The following PRKCZ variants were observed in gnomAD, a reference collection of about 807,000 sequenced individuals.
The protein encoded by PRKCZ is protein kinase C zeta.
A neutral mutation model predicts 79.5 loss-of-function variants in PRKCZ; 33 were observed. The observed-to-expected ratio is 0.41, with a 90% CI of 0.31 to 0.55. The LOEUF is 0.55. Among genes scored for constraint, PRKCZ ranks in the 20% least tolerant of loss-of-function variants. The pLI is 0.19. For missense variants in PRKCZ, 578 were observed against 813.5 expected (o/e 0.71, Z 3.52); for synonymous variants, 342 against 320.9 (o/e 1.07, Z -0.70).
intron 4 of PRKCZ, among the ~76,000 whole-genome samples, chr1:2,063,689 G>A (rs574630151): frequency 1.3e-5 from 2 of 152,144 alleles, no homozygotes; most frequent in Non-Finnish European, 1.5e-5. Flanking sequence ...AATAGTGCAC[G>A]AGCGCCACTG....
At chr1:2,059,371 G>A (rs912316157) in intron 3 of PRKCZ, among the ~76,000 whole-genome samples, 170 bp from the exon 4 acceptor site, 3 of 152,198 alleles carry the variant, frequency 2.0e-5, no homozygotes, top group African/African-American at 2.4e-5. Flanking sequence ...CCTGGCCTAC[G>A]TAGACGCACG....
rs891639541 is a variant in PRKCZ, at chr1:2,127,402, C to A, written c.335-7860C>A. 1.3e-5 allele frequency among the ~76,000 whole-genome samples: 2 copies of A among 151,526 alleles called. No homozygotes were observed. The highest frequency in any genetic ancestry group is 4.9e-5 in the African/African-American group (2 of 41,004). On this transcript the variant is annotated intron_variant, in intron 4 of 17. Coordinates refer to ENST00000378567, the MANE Select transcript of PRKCZ (RefSeq NM_002744.6). This position sits in a 1 kb window ranked among gnomAD's most constrained non-coding sequence, Gnocchi z 5.1. ...GGGGCTGCACCTCCACTGCCCCCCC[C>A]ACCGCCGCCCCTGCCCCACGGCCAC...
rs569873516 is a variant in PRKCZ at position 2,172,678 on chromosome 1, G to A, written c.1285+290G>A. ...ACACAGAAAGCGGGGGTGGGACAGG[G>A]TGCAGCACCTGAGTCCCCGTGCTGC... On this transcript the variant is annotated intron_variant, in intron 13 of 17. Transcript: ENST00000378567. This position sits in a 1 kb window ranked among gnomAD's most constrained non-coding sequence, Gnocchi z 7.8. Among the ~76,000 whole-genome samples, 1 of 152,284 alleles carries A rather than the reference G, an allele frequency of 6.6e-6. No homozygotes were observed. Among genetic ancestry groups the A allele is most frequent in the African/African-American group, 2.4e-5 (1 of 41,574 alleles).
At chr1:2,077,210 G>A (rs551572733) in intron 4 of PRKCZ, among the ~76,000 whole-genome samples, 208 of 152,346 alleles carry the variant, frequency 1.4e-3, no homozygotes, top group African/African-American at 4.6e-3. Context: ...GTTTACACGC[G>A]CTCTGGTGGG....
rs532227319 is a variant in PRKCZ at position 2,184,828 on chromosome 1, G to A, written c.1692-94G>A. Reference sequence around the variant, plus strand: ...GCCTGGTGTCATCTCTCCAGTGGGCGTTGGGGGAGGATTCTTATGCGAACG... The same window carrying A: ...GCCTGGTGTCATCTCTCCAGTGGGCATTGGGGGAGGATTCTTATGCGAACG... On this transcript the variant is annotated intron_variant, in intron 17 of 17. Transcript: ENST00000378567. 9.6e-4 allele frequency: 1,327 copies of A among 1,382,544 alleles called. 2 individuals are homozygous for A. Among genetic ancestry groups the A allele is most frequent in the South Asian group, 4.9e-3 (397 of 81,430 alleles). The allele number at this position is 1,382,544 out of a possible 1,614,324, so 85.6% of individuals were successfully genotyped here.
intron 1 of PRKCZ, 120 bp downstream of exon 1, chr1:2,050,821 C>G: frequency 1.6e-6 from 1 of 624,744 alleles, no homozygotes; most frequent in Non-Finnish European, 2.3e-6. Context: ...CGCTGCGGGC[C>G]CGGGGCTGTC....
chr1:2,121,647 GT>G lies in PRKCZ; in HGVS notation c.335-13614del, dbSNP rs1266325875. 2.4e-4 allele frequency among the ~76,000 whole-genome samples: 24 copies of G among 99,430 alleles called. 6 individuals are homozygous for G. Among genetic ancestry groups the G allele is most frequent in the African/African-American group, 8.6e-4 (19 of 22,208 alleles). 65.2% of individuals were successfully genotyped at this position (99,430 alleles called of 152,430 possible). A position where few individuals can be genotyped will look rare whatever the true frequency, so the allele number is the denominator to read the frequency against. ...GGTTAGGGTCACAGTGGTAGTTAGGGTCACGGTGGTGGTTAGGGTCGTGGTG... is the reference window on the plus strand; with the variant it reads ...GGTTAGGGTCACAGTGGTAGTTAGGGCACGGTGGTGGTTAGGGTCGTGGTG... On this transcript the variant is annotated intron_variant, in intron 4 of 17. Coordinates refer to ENST00000378567, the MANE Select transcript of PRKCZ (RefSeq NM_002744.6).
At position 2,127,751 on chromosome 1, in the gene PRKCZ, G is replaced by A. The variant is rs1484155098; in HGVS notation, c.335-7511G>A. 6.6e-6 allele frequency among the ~76,000 whole-genome samples: 1 copy of A among 152,180 alleles called. No individual in the cohort carries two copies. Among genetic ancestry groups the A allele is most frequent in the Admixed American group, 6.5e-5 (1 of 15,280 alleles). On this transcript the variant is annotated intron_variant, in intron 4 of 17. Coordinates refer to ENST00000378567, the MANE Select transcript of PRKCZ (RefSeq NM_002744.6). The surrounding 1 kb of genome is among the most constrained non-coding windows in gnomAD (Gnocchi z 5.1). ...TTCGTGTTCTCCATTGTCCCTGGCA[G>A]CCCCTGGCCAGGGTGGCCCAGTGCC...
intron 16 of PRKCZ, chr1:2,182,567 A>G (rs919834883): frequency 1.3e-5 from 2 of 154,084 alleles, no homozygotes; most frequent in African/African-American, 2.4e-5. Context: ...CCTGTGATCC[A>G]CCCGCGAGCT....
chr1:2,087,787 A>G (rs150030034), intron 4 of PRKCZ, among the ~76,000 whole-genome samples: 207 of 152,298 alleles, frequency 1.4e-3, no homozygotes, highest in African/African-American at 4.6e-3. Flanking sequence ...GGTACCCACT[A>G]ACAGAAAATG....
chr1:2,090,191 T>C (rs376684847), intron 4 of PRKCZ, among the ~76,000 whole-genome samples: 28 of 152,324 alleles, frequency 1.8e-4, no homozygotes, highest in African/African-American at 6.5e-4. Flanking sequence ...TGTTCTGAGC[T>C]CCTGGGGGTC....
intron 4 of PRKCZ, chr1:2,073,571 G>A (rs984327491): frequency 1.1e-5 from 11 of 961,068 alleles, no homozygotes; most frequent in Admixed American, 6.1e-5. Context: ...CTGCCCGCCC[G>A]CTCTCTGGAC....
chr1:2,103,111 C>T (rs910387517), intron 4 of PRKCZ, among the ~76,000 whole-genome samples: 4 of 152,180 alleles, frequency 2.6e-5, no homozygotes, highest in Non-Finnish European at 2.9e-5. Flanking sequence ...GTGATTCTCC[C>T]ACTTCGCCCG....
At position 2,125,770 on chromosome 1, in the gene PRKCZ, G is replaced by A. The variant is rs1319413448; in HGVS notation, c.335-9492G>A. ...ATCAGATTTGCTCAGGGTCCCTCCA[G>A]CAGTCCATGCCGCAGAGGCTGTCCC... On this transcript the variant is annotated intron_variant, in intron 4 of 17. Coordinates refer to ENST00000378567, the MANE Select transcript of PRKCZ (RefSeq NM_002744.6). This position sits in a 1 kb window ranked among gnomAD's most constrained non-coding sequence, Gnocchi z 4.2. Among the ~76,000 whole-genome samples the A allele has an allele frequency of 6.6e-6, 1 of 152,250 alleles. No homozygotes were observed. Among genetic ancestry groups the A allele is most frequent in the Non-Finnish European group, 1.5e-5 (1 of 68,042 alleles).
chr1:2,057,554 A>T (rs969324077), intron 3 of PRKCZ, among the ~76,000 whole-genome samples: 1 of 152,120 alleles, frequency 6.6e-6, no homozygotes, highest in African/African-American at 2.4e-5. Context: ...TTCGCCCTTT[A>T]TATCAATGAG....
At chr1:2,166,035 G>A (rs567037783) in intron 10 of PRKCZ, among the ~76,000 whole-genome samples, 5 of 152,202 alleles carry the variant, frequency 3.3e-5, no homozygotes, top group South Asian at 2.1e-4. Flanking sequence ...TGCGGTCTGC[G>A]TCTCGCCTGG....
intron 4 of PRKCZ, chr1:2,133,667 G>A (rs1298280620): frequency 4.6e-5 from 7 of 152,630 alleles, no homozygotes; most frequent in African/African-American, 1.7e-4. Flanking sequence ...CCCCGGCTGC[G>A]CGTCTGTCCC....
intron 4 of PRKCZ, among the ~76,000 whole-genome samples, chr1:2,068,461 G>C (rs985592235): frequency 3.3e-5 from 5 of 152,208 alleles, no homozygotes; most frequent in African/African-American, 1.2e-4. Context: ...CTGTCACCCT[G>C]AACCTCCCCC....
intron 3 of PRKCZ, among the ~76,000 whole-genome samples, chr1:2,057,167 C>T (rs956609676): frequency 5.3e-5 from 8 of 152,270 alleles, no homozygotes; most frequent in Non-Finnish European, 7.3e-5. Flanking sequence ...ACCTCACCTG[C>T]CCGGTGCTCC....
Sources: gnomAD v4.1 joint callset for allele counts (sites outside exome capture counted in the v4.1 genomes callset) on GRCh38, gnomAD v4.1.1 for gene constraint, Gnocchi (gnomAD v3.1) non-coding constraint, MANE v1.5 for transcripts, NCBI Gene and HGNC (gene_info 2026-07-23, HGNC 2026-07-21) for gene names.